Variants in GLI3 observed in about 807,000 individuals in gnomAD.
GLI3 encodes the protein transcription activator GLI3.
In GLI3, 20 loss-of-function variants were observed where a neutral mutation model predicts 100.8. That is an observed-to-expected ratio of 0.20 (90% CI 0.14 to 0.29). GLI3 has a LOEUF of 0.29. GLI3 is among the 10% of genes least tolerant of loss of function. The probability of loss-of-function intolerance (pLI) is 1.00; values close to 1 mark genes in which losing one functional copy is unlikely to be tolerated. For synonymous variants in GLI3, 938 were observed against 860.5 expected (o/e 1.09, Z -1.58); for missense variants, 2,040 against 2,128.5 (o/e 0.96, Z 0.82).
At chr7:42,110,611 A>G (rs1257774216) in intron 3 of GLI3, among the ~76,000 whole-genome samples, 1 of 152,228 alleles carries the variant, frequency 6.6e-6, no homozygotes, top group Admixed American at 6.5e-5. Flanking sequence ...AGCATCTACA[A>G]AACACAGGAA....
At chr7:41,985,378 G>T (rs760773063) in intron 10 of GLI3, among the ~76,000 whole-genome samples, 9 of 152,150 alleles carry the variant, frequency 5.9e-5, no homozygotes, top group African/African-American at 9.7e-5. Flanking sequence ...ATTTGCTGGG[G>T]AAAGATATTA....
In GLI3 at chr7:42,261,649, T is replaced by C. The variant is rs1271490226; in HGVS notation, c.-43+2345A>G. ...ATTATATTAGGCCTTACTAATATAC[T>C]CAGTACATTAGTTTGTGTAGTAGTT... On this transcript the variant is annotated intron_variant, in intron 1 of 2. Transcript: ENST00000678978. Among the ~76,000 whole-genome samples the C allele has an allele frequency of 2.6e-5, 4 of 152,214 alleles. No individual in the cohort carries two copies. The East Asian group carries it at 7.7e-4, about 29-fold the overall frequency.
At chr7:42,102,670 G>A (rs1356603358) in intron 3 of GLI3, among the ~76,000 whole-genome samples, 3 of 152,182 alleles carry the variant, frequency 2.0e-5, no homozygotes, top group Non-Finnish European at 2.9e-5. Flanking sequence ...CCATGCCTAG[G>A]ATTAGAACAT....
At chr7:42,002,598 T>G (rs189973579) in intron 10 of GLI3, among the ~76,000 whole-genome samples, 80 of 152,310 alleles carry the variant, frequency 5.3e-4, no homozygotes, top group Non-Finnish European at 9.4e-4. Context: ...GAGAATCTAT[T>G]TTCACTTGAC....
rs1046503721 is a variant in GLI3, at chr7:41,967,646, T to C, written c.2381A>G (p.Asn794Ser). The stretch of plus-strand genomic sequence containing the variant: ...AGGGGCTTTAGGGGGTAGAATGGGG[T>C]TCAGTCGCGGAAACATTCCATTCAC... ...KQVNGMFPRL[N>S]PILPPKAPAV... Residue 794 changes from asparagine (N) to serine (S), a missense_variant, in exon 14 of 15, where the codon AAC becomes AGC. By Grantham distance (46) the Asn-to-Ser change is conservative. Transcript: ENST00000395925. 3.7e-6 allele frequency: 6 copies of C among 1,613,948 alleles called. No homozygotes were observed. Among genetic ancestry groups the C allele is most frequent in the Admixed American group, 1.7e-5 (1 of 60,018 alleles).
chr7:42,042,587 C>T (rs528907082), intron 6 of GLI3, among the ~76,000 whole-genome samples: 1 of 152,126 alleles, frequency 6.6e-6, no homozygotes, highest in Non-Finnish European at 1.5e-5. Context: ...TGGATATATC[C>T]CTAGAAAATC....
chr7:42,202,360 A>T (rs1207810098), intron 2 of GLI3, among the ~76,000 whole-genome samples: 25 of 150,854 alleles, frequency 1.7e-4, no homozygotes, highest in East Asian at 7.9e-4. Flanking sequence ...ACACACACAC[A>T]CACACACACA....
Position 41,965,112 on chromosome 7 carries a change from C to A in GLI3, c.3961G>T (p.Gly1321Trp), listed in dbSNP as rs762728014. The change falls in exon 15 of 15, where the codon GGG (glycine) becomes TGG (tryptophan). Residue 1321 changes from glycine to tryptophan, a missense_variant. Physicochemically the swap from Gly to Trp is radical, Grantham distance 184. Transcript: ENST00000395925. Reference protein sequence around the residue: ...GMQNQDPVGQGYLAHQLLGDS... With the variant: ...GMQNQDPVGQWYLAHQLLGDS... The stretch of plus-strand genomic sequence containing the variant: ...CCGAGGAGCTGGTGAGCCAGGTACC[C>A]CTGTCCCACTGGGTCCTGGTTCTGC... The A allele has an allele frequency of 2.5e-6, 4 of 1,613,768 alleles. No individual in the cohort carries two copies. Among genetic ancestry groups the A allele is most frequent in the Non-Finnish European group, 3.4e-6 (4 of 1,179,990 alleles).
At chr7:42,083,278 A>G (rs893520033) in intron 3 of GLI3, among the ~76,000 whole-genome samples, 6 of 152,186 alleles carry the variant, frequency 3.9e-5, no homozygotes, top group African/African-American at 1.4e-4. Flanking sequence ...GGTCCCACAA[A>G]TAAGTGAGAT....
At chr7:42,067,295 C>T (rs1007792659) in intron 4 of GLI3, among the ~76,000 whole-genome samples, 8 of 152,120 alleles carry the variant, frequency 5.3e-5, no homozygotes, top group Admixed American at 4.6e-4. Context: ...GGGGATTTTG[C>T]TCTGTGGGGG....
At chr7:42,212,732 T>C (rs1788294875) in intron 2 of GLI3, among the ~76,000 whole-genome samples, 2 of 152,254 alleles carry the variant, frequency 1.3e-5, no homozygotes, top group Non-Finnish European at 1.5e-5. Context: ...TTAGCGCCTT[T>C]GATCACAGCT....
intron 6 of GLI3, among the ~76,000 whole-genome samples, chr7:42,040,744 C>A (rs1784119481): frequency 6.6e-6 from 1 of 152,196 alleles, no homozygotes; most frequent in African/African-American, 2.4e-5. Flanking sequence ...TCTAGAGTTA[C>A]CTGCTCTATG....
At chr7:42,102,812 T>A (rs1785495290) in intron 3 of GLI3, among the ~76,000 whole-genome samples, 1 of 152,224 alleles carries the variant, frequency 6.6e-6, no homozygotes, top group South Asian at 2.1e-4. Context: ...GAAACTTTTG[T>A]CTTTAACAAC....
chr7:42,208,492 T>G (rs1299383119), intron 2 of GLI3, among the ~76,000 whole-genome samples: 1 of 152,208 alleles, frequency 6.6e-6, no homozygotes, highest in Non-Finnish European at 1.5e-5. Flanking sequence ...AATAACAACG[T>G]TCCCCAGCTC....
chr7:42,191,908 T>C (rs1787835951), intron 2 of GLI3, among the ~76,000 whole-genome samples: 1 of 152,046 alleles, frequency 6.6e-6, no homozygotes, highest in Non-Finnish European at 1.5e-5. Flanking sequence ...TGAGAATCCA[T>C]TTTACCATAC....
intron 3 of GLI3, among the ~76,000 whole-genome samples, chr7:42,134,462 C>A (rs578226905): frequency 3.9e-5 from 6 of 152,212 alleles, no homozygotes; most frequent in African/African-American, 1.4e-4. Context: ...ACAAAACATG[C>A]CAAATGCAAC....
chr7:42,028,098 C>CA (rs1392406315), intron 7 of GLI3, among the ~76,000 whole-genome samples: 1 of 152,126 alleles, frequency 6.6e-6, no homozygotes, highest in Non-Finnish European at 1.5e-5. Context: ...AGCCATTCAT[C>CA]AAAAAACACA....
intron 3 of GLI3, among the ~76,000 whole-genome samples, chr7:42,094,487 G>A (rs917413037): frequency 1.3e-5 from 2 of 152,012 alleles, no homozygotes; most frequent in African/African-American, 4.8e-5. Context: ...TGTAATCCCA[G>A]CACTTTGGGA....
At chr7:42,167,047 G>A (rs900956928) in intron 2 of GLI3, among the ~76,000 whole-genome samples, 34 of 152,010 alleles carry the variant, frequency 2.2e-4, no homozygotes, top group Admixed American at 1.6e-3. Context: ...GGCTGGTCTC[G>A]AACTCCTGAC....
Sources: gnomAD v4.1 joint callset for allele counts (sites outside exome capture counted in the v4.1 genomes callset) on GRCh38, gnomAD v4.1.1 for gene constraint, MANE v1.5 for transcripts, NCBI Gene and HGNC (gene_info 2026-07-23, HGNC 2026-07-21) for gene names.